Variants in ARVCF observed in about 807,000 individuals in gnomAD.
ARVCF encodes splicing regulator ARVCF.
ARVCF carries 66 observed loss-of-function variants against 90.9 expected under a neutral mutation model. The observed-to-expected ratio is 0.73, with a 90% CI of 0.60 to 0.89. The LOEUF is 0.89. Ranked by LOEUF, ARVCF falls within the 40% of genes least tolerant of loss-of-function variation. The probability of loss-of-function intolerance (pLI) is 0.00; values close to 1 mark genes in which losing one functional copy is unlikely to be tolerated. For missense variants in ARVCF, 1,469 were observed against 1,382.3 expected (o/e 1.06, Z -1.00); for synonymous variants, 653 against 603.4 (o/e 1.08, Z -1.21).
chr22:19,991,292 G>C (rs1430495220), intron 2 of ARVCF, among the ~76,000 whole-genome samples: 1 of 152,256 alleles, frequency 6.6e-6, no homozygotes, highest in African/African-American at 2.4e-5. Flanking sequence ...TGGCCAGCAA[G>C]CAGGGAGTGA....
chr22:19,972,700 T>C lies in ARVCF; in HGVS notation c.2641+37A>G, dbSNP rs746764007. 7.7e-6 allele frequency: 12 copies of C among 1,556,674 alleles called. No individual in the cohort carries two copies. The South Asian group carries it at 1.2e-4, about 16-fold the overall frequency. On this transcript the variant is annotated intron_variant, in intron 16 of 19. Transcript: ENST00000263207. ...GGTCAGGCAACTGGGGCAGCTGGGG[T>C]CGCCACCCTCTAGGCTCCCTAAGCT...
downstream of ARVCF, chr22:19,968,713 C>T: frequency 6.2e-7 from 1 of 1,611,912 alleles, no homozygotes; most frequent in Non-Finnish European, 8.5e-7. Context: ...CTACAAGGGC[C>T]CAGGCAGCGA....
chr22:19,979,227 G>A (rs1400741981), intron 6 of ARVCF, 147 bp from the exon 7 acceptor site: 17 of 864,628 alleles, frequency 2.0e-5, no homozygotes, highest in Admixed American at 5.6e-5. Context: ...GAGTGGTTCC[G>A]GGGGACACCC....
intron 3 of ARVCF, among the ~76,000 whole-genome samples, chr22:19,985,054 G>T (rs1255827443): frequency 6.6e-6 from 1 of 152,128 alleles, no homozygotes; most frequent in Non-Finnish European, 1.5e-5. Flanking sequence ...GCCCAGGCTG[G>T]CCCACTCTCA....
chr22:19,978,841 C>A, intron 7 of ARVCF, 56 bp downstream of exon 7: 1 of 1,557,208 alleles, frequency 6.4e-7, no homozygotes, highest in Non-Finnish European at 8.7e-7. Context: ...CTATCTGGGA[C>A]CACGAGGACG....
chr22:19,986,551 T>C (rs62223688), intron 3 of ARVCF: 8,699 of 152,694 alleles, frequency 0.057, 352 homozygotes, highest in Middle Eastern at 0.087. Flanking sequence ...AAGACTTCCA[T>C]TAAAGCTCCG....
rs1943320780 is a variant in ARVCF, at chr22:19,978,953, G to A, written c.1524C>T (p.Ser508=). ...SGWEREPNED[S]KPRDAEWTTV... ...TTGTCCACTCGGCGTCCCGTGGCTTGGAGTCCTCGTTGGGCTCACGCTCCC... is the reference window on the plus strand; with the variant it reads ...TTGTCCACTCGGCGTCCCGTGGCTTAGAGTCCTCGTTGGGCTCACGCTCCC... The change falls in exon 7 of 20, where the codon TCC becomes TCT. Residue 508 remains serine, a synonymous_variant. Coordinates refer to ENST00000263207, the MANE Select transcript of ARVCF (RefSeq NM_001670.3). The A allele has an allele frequency of 1.9e-6, 3 of 1,613,290 alleles. No homozygotes were observed. The highest frequency in any genetic ancestry group is 2.5e-6 in the Non-Finnish European group (3 of 1,179,914).
chr22:19,969,149 G>C (rs1028143667), downstream of ARVCF: 3 of 192,984 alleles, frequency 1.6e-5, no homozygotes, highest in African/African-American at 2.4e-5. Flanking sequence ...AGCTGGCTGG[G>C]TTCTGGGTGG....
downstream of ARVCF, among the ~76,000 whole-genome samples, chr22:19,968,334 G>A (rs933168040): frequency 2.6e-5 from 4 of 152,184 alleles, no homozygotes; most frequent in African/African-American, 9.7e-5. Flanking sequence ...GTCCTCACGG[G>A]GCCCATGTTC....
chr22:20,005,648 T>A (rs1944595753), intron 2 of ARVCF, among the ~76,000 whole-genome samples: 1 of 151,844 alleles, frequency 6.6e-6, no homozygotes, highest in East Asian at 1.9e-4. Flanking sequence ...TGAAACCCCG[T>A]CTCTACTAAA....
chr22:19,994,130 T>C (rs966424758), intron 2 of ARVCF, among the ~76,000 whole-genome samples: 29 of 150,550 alleles, frequency 1.9e-4, no homozygotes, highest in African/African-American at 7.1e-4. Context: ...GATGAATGAA[T>C]GGAGGGTGGC....
rs1020509873 is a variant in ARVCF at position 20,015,122 on chromosome 22, T to C, written c.-73+1467A>G. Among the ~76,000 whole-genome samples, 10 of 152,238 alleles carry C rather than the reference T, an allele frequency of 6.6e-5. No individual in the cohort carries two copies. In the East Asian group the frequency reaches 1.7e-3, roughly 26 times the overall value. ...GAACCTTGGTCAGAAGGTCCTTGTGTTTATGCTGAAAAGCCTGACAGGGCA... is the reference window on the plus strand; with the variant it reads ...GAACCTTGGTCAGAAGGTCCTTGTGCTTATGCTGAAAAGCCTGACAGGGCA... On this transcript the variant is annotated intron_variant, in intron 1 of 19. Transcript: ENST00000263207.
chr22:19,989,059 C>A (rs115610628), intron 3 of ARVCF, among the ~76,000 whole-genome samples: 7 of 152,204 alleles, frequency 4.6e-5, no homozygotes, highest in Admixed American at 3.3e-4. Context: ...TTGGACTGAG[C>A]ACACTGGCGC....
At chr22:19,971,792 C>T in intron 18 of ARVCF, 94 bp downstream of exon 18, 2 of 1,380,156 alleles carry the variant, frequency 1.4e-6, no homozygotes, top group Non-Finnish European at 1.0e-6. Flanking sequence ...ACCCCAGGGC[C>T]CAGACCAGAC....
In ARVCF at chr22:19,977,503, C is replaced by T. The variant is rs369702667; in HGVS notation, c.1782G>A (p.Glu594=). 26 of 1,598,658 alleles carry T rather than the reference C, an allele frequency of 1.6e-5. No homozygotes were observed. The African/African-American group carries it at 3.4e-4, about 21-fold the overall frequency. Residue 594 remains glutamate (E), a synonymous_variant, in exon 9 of 20, where the codon GAG becomes GAA. Transcript: ENST00000263207. ...KEVPGADRYQ[E]AEPGPLGSAV... ...CACTGCCCAGGGGCCCGGGCTCGGC[C>T]TCCTGGTACCTGTCGGCCCCGGGCA... is the stretch of plus-strand genomic sequence containing the variant.
intron 2 of ARVCF, among the ~76,000 whole-genome samples, chr22:19,996,262 G>A (rs990439635): frequency 1.3e-5 from 2 of 151,492 alleles, no homozygotes; most frequent in Admixed American, 6.6e-5. Flanking sequence ...AAGAACCCCC[G>A]AGGAAAGACG....
intron 1 of ARVCF, among the ~76,000 whole-genome samples, chr22:20,012,471 GAT>G (rs1184239455): frequency 1.3e-5 from 2 of 152,246 alleles, no homozygotes; most frequent in Admixed American, 6.5e-5. Flanking sequence ...CTAGTGATAG[GAT>G]CATATGGGAA....
Position 19,973,026 on chromosome 22 carries a change from G to C in ARVCF, c.2449C>G (p.Arg817Gly). 6.2e-7 allele frequency: 1 copy of C among 1,613,032 alleles called. No individual in the cohort carries two copies. The highest frequency in any genetic ancestry group is 8.5e-7 in the Non-Finnish European group (1 of 1,179,948). The part of the protein sequence containing the change: ...VALVASSQSV[R>G]EAKAASHVLQ... ...ACGTGTGACGCCGCCTTCGCTTCGC[G>C]TACCGATTGGCTGTGGGGCCGGGGG... The change falls in exon 15 of 20, where the codon CGC becomes GGC. Residue 817 changes from arginine (R) to glycine (G), a missense_variant. Arg to Gly is a moderately radical substitution (Grantham distance 125). Transcript: ENST00000263207.
chr22:19,977,172 G>T (rs921806593), intron 9 of ARVCF, among the ~76,000 whole-genome samples: 2 of 152,180 alleles, frequency 1.3e-5, no homozygotes, highest in Non-Finnish European at 2.9e-5. Context: ...GGCATTGGTT[G>T]GTTTCCCTTG....
Sources: allele counts gnomAD v4.1 joint callset (sites outside exome capture counted in the v4.1 genomes callset), GRCh38; gene constraint gnomAD v4.1.1; transcripts MANE v1.5; gene names NCBI Gene and HGNC (gene_info 2026-07-23, HGNC 2026-07-21).